The following NUP210L variants were observed in gnomAD, a reference collection of about 807,000 sequenced individuals.
The protein encoded by NUP210L is nucleoporin 210 like, also known as nuclear pore membrane glycoprotein 210-like.
In NUP210L, 74 loss-of-function variants were observed where a neutral mutation model predicts 208.5. The observed-to-expected ratio is 0.35, with a 90% CI of 0.29 to 0.43. The LOEUF is 0.43. Ranked by LOEUF, NUP210L falls within the 20% of genes least tolerant of loss-of-function variation. NUP210L has a pLI of 1.00. For missense variants in NUP210L, 1,843 were observed against 2,289.4 expected (o/e 0.81, Z 3.98); for synonymous variants, 780 against 816.9 (o/e 0.95, Z 0.77).
chr1:154,029,262 C>T (rs755219069), intron 28 of NUP210L, among the ~76,000 whole-genome samples: 44 of 150,726 alleles, frequency 2.9e-4, no homozygotes, highest in Non-Finnish European at 5.0e-4. Flanking sequence ...CCTGTAGTCC[C>T]AGCTACTTGG....
intron 17 of NUP210L, among the ~76,000 whole-genome samples, chr1:154,066,536 G>A (rs1057503684): frequency 2.6e-5 from 4 of 152,176 alleles, no homozygotes; most frequent in Non-Finnish European, 4.4e-5. Context: ...GTATGAACCC[G>A]GGAGGCGAAG....
At chr1:154,054,312 T>G in exon 25 of NUP210L, 1 of 1,614,246 alleles carries the variant, frequency 6.2e-7, no homozygotes, top group African/African-American at 1.3e-5. Context: ...CAATCTTCCC[T>G]GTAACTTGCC....
At chr1:154,149,284 C>A (rs959344960) in intron 2 of NUP210L, among the ~76,000 whole-genome samples, 1 of 152,092 alleles carries the variant, frequency 6.6e-6, no homozygotes, top group South Asian at 2.1e-4. Flanking sequence ...CGGGGTTTCA[C>A]CATGTAGGCC....
intron 29 of NUP210L, among the ~76,000 whole-genome samples, chr1:154,027,160 C>T (rs1651943420): frequency 6.8e-6 from 1 of 146,330 alleles, no homozygotes; most frequent in African/African-American, 2.6e-5. Flanking sequence ...ATATGAAATA[C>T]ATTCAGGATA....
chr1:154,045,301 T>C lies in NUP210L; in HGVS notation c.3696+768A>G, dbSNP rs1190119688. ...CCTCTATATTTGCTTTTCTTACTATTAATGTAATCACCCAGCATGTAGCAC... is the reference window on the plus strand; with the variant it reads ...CCTCTATATTTGCTTTTCTTACTATCAATGTAATCACCCAGCATGTAGCAC... On this transcript the variant is annotated intron_variant, in intron 27 of 39. Transcript: ENST00000368559. Among the ~76,000 whole-genome samples, 3 of 152,128 alleles carry C rather than the reference T, an allele frequency of 2.0e-5. No homozygotes were observed. In the East Asian group the frequency reaches 5.8e-4, roughly 29 times the overall value.
intron 16 of NUP210L, among the ~76,000 whole-genome samples, chr1:154,082,677 T>A (rs1655400567): frequency 6.6e-6 from 1 of 152,198 alleles, no homozygotes; most frequent in Admixed American, 6.6e-5. Flanking sequence ...ATTGGTTCCT[T>A]CTGGTAGGTT....
intron 25 of NUP210L, among the ~76,000 whole-genome samples, chr1:154,053,815 CT>C (rs1160935851): frequency 6.6e-6 from 1 of 152,146 alleles, no homozygotes; most frequent in African/African-American, 2.4e-5. Flanking sequence ...TGTGAGCCCC[CT>C]GATTTCCCAC....
intron 10 of NUP210L, among the ~76,000 whole-genome samples, chr1:154,124,011 C>T (rs937181162): frequency 6.6e-6 from 1 of 151,366 alleles, no homozygotes; most frequent in Non-Finnish European, 1.5e-5. Flanking sequence ...GTGAAACCCC[C>T]ATCTCTACTA....
chr1:154,054,737 G>A, intron 24 of NUP210L, 33 bp downstream of exon 24: 2 of 1,468,648 alleles, frequency 1.4e-6, no homozygotes, highest in Non-Finnish European at 1.9e-6. Context: ...AAGGAGAAAA[G>A]GTAAATCTTA....
rs1459805670 is a variant in NUP210L, at chr1:154,126,483, T to G, written c.1186-20A>C. On this transcript the variant is annotated intron_variant, in intron 9 of 39. Coordinates refer to ENST00000368559, the Ensembl canonical transcript of NUP210L. ...GAGATTCTGAAAATCAGCCCCACAG[T>G]AACACAAACCTGAAGATATGTTCTT... 1 of 1,599,744 alleles carries G rather than the reference T, an allele frequency of 6.3e-7. No individual in the cohort carries two copies. The highest frequency in any genetic ancestry group is 8.5e-7 in the Non-Finnish European group (1 of 1,173,808).
intron 14 of NUP210L, among the ~76,000 whole-genome samples, chr1:154,097,064 ACT>A (rs1300261228): frequency 4.0e-5 from 6 of 151,768 alleles, no homozygotes; most frequent in African/African-American, 9.7e-5. Context: ...ACAGAGTGAG[ACT>A]CTGTCTCAAA....
chr1:154,054,917 T>G, intron 23 of NUP210L, 85 bp from the exon 24 acceptor site: 1 of 951,438 alleles, frequency 1.1e-6, no homozygotes, highest in Non-Finnish European at 1.7e-6. Context: ...TTTTTTTTTT[T>G]TTAGACAGAG....
At chr1:154,151,470 GA>G (rs11395624) in intron 2 of NUP210L, among the ~76,000 whole-genome samples, 1 of 151,540 alleles carries the variant, frequency 6.6e-6, no homozygotes, top group Non-Finnish European at 1.5e-5. Context: ...TTAGTAGTTG[GA>G]AAAAAATCTG....
Position 154,045,960 on chromosome 1 carries a change from G to A in NUP210L, c.3696+109C>T, listed in dbSNP as rs1280987198. On this transcript the variant is annotated intron_variant, in intron 27 of 39. Transcript: ENST00000368559. ...AGATTGCACCACTGCACTCCAGCCT[G>A]GGGGACAGAGTGAGACCTCATCTCA... 3 of 1,019,782 alleles carry A rather than the reference G, an allele frequency of 2.9e-6. No homozygotes were observed. In the African/African-American group the frequency reaches 4.9e-5, roughly 17 times the overall value. The allele number at this position is 1,019,782 out of a possible 1,614,324, so 63.2% of individuals were successfully genotyped here.
At chr1:154,149,097 T>TTTTTTTTTTTTTTTC (rs1659258997) in intron 2 of NUP210L, among the ~76,000 whole-genome samples, 1 of 150,170 alleles carries the variant, frequency 6.7e-6, no homozygotes, top group South Asian at 2.1e-4. Context: ...CTTTTTTTTT[T>TTTTTTTTTTTTTTTC]TTCCTGAGAA....
At chr1:154,097,693 G>T (rs374416906) in intron 14 of NUP210L, among the ~76,000 whole-genome samples, 2 of 152,086 alleles carry the variant, frequency 1.3e-5, no homozygotes, top group Non-Finnish European at 2.9e-5. Context: ...TTTCATTAGT[G>T]TTAACATTTT....
chr1:154,145,297 AG>A (rs1328770012), intron 2 of NUP210L, among the ~76,000 whole-genome samples: 3 of 151,988 alleles, frequency 2.0e-5, no homozygotes, highest in Non-Finnish European at 4.4e-5. Flanking sequence ...GCACGCCTGT[AG>A]TCCCAGCTAC....
chr1:154,123,892 G>A (rs1657741999), intron 10 of NUP210L, among the ~76,000 whole-genome samples: 1 of 147,900 alleles, frequency 6.8e-6, no homozygotes, highest in Admixed American at 6.8e-5. Flanking sequence ...AAAAAAAAAA[G>A]AGAGAGAGAG....
At chr1:154,056,903 C>G (rs761052029) in exon 23 of NUP210L, 9 of 1,608,996 alleles carry the variant, frequency 5.6e-6, no homozygotes, top group Non-Finnish European at 7.6e-6. Flanking sequence ...AGTGGTAGCT[C>G]GAAGAATATA....
Sources: gnomAD v4.1 joint callset for allele counts (sites outside exome capture counted in the v4.1 genomes callset) on GRCh38, gnomAD v4.1.1 for gene constraint, MANE v1.5 for transcripts, NCBI Gene and HGNC (gene_info 2026-07-23, HGNC 2026-07-21) for gene names.